The following GALC variants were observed in gnomAD, a reference collection of about 807,000 sequenced individuals.
GALC encodes the protein galactocerebrosidase.
In GALC, 77 loss-of-function variants were observed where a neutral mutation model predicts 91.8. That is an observed-to-expected ratio of 0.84 (90% confidence interval 0.70 to 1.01). The LOEUF is 1.01. Ranked by LOEUF, GALC falls within the 50% of genes least tolerant of loss-of-function variation. The probability of loss-of-function intolerance (pLI) is 0.00; values close to 1 mark genes in which losing one functional copy is unlikely to be tolerated. For missense variants in GALC, 882 were observed against 855.9 expected, an observed-to-expected ratio of 1.03 and a Z score of -0.38; for synonymous variants, 357 against 306.7, an observed-to-expected ratio of 1.16 and a Z score of -1.71.
upstream of GALC, chr14:87,993,408 T>G: frequency 2.0e-6 from 3 of 1,535,884 alleles, no homozygotes; most frequent in Non-Finnish European, 2.6e-6. Context: ...CGGCGTCACC[T>G]GGTGGAGCAC....
Position 87,934,390 on chromosome 14 carries a change from G to C in GALC, c.*342C>G. The C allele has an allele frequency of 7.9e-7, 1 of 1,269,234 alleles. No individual in the cohort carries two copies. Among genetic ancestry groups the C allele is most frequent in the South Asian group, 1.7e-5 (1 of 59,128 alleles). The allele number at this position is 1,269,234 out of a possible 1,614,324, so 78.6% of individuals were successfully genotyped here. On this transcript the variant is annotated 3_prime_UTR_variant, in exon 17 of 17. Transcript: ENST00000261304. ...ATGATCAAGTTACTGCCATCTACAG[G>C]ACCGCTTGCAAATAAGATGAAGAGA...
chr14:87,979,395 C>G (rs575193790), intron 6 of GALC, among the ~76,000 whole-genome samples: 1 of 152,122 alleles, frequency 6.6e-6, no homozygotes, highest in East Asian at 1.9e-4. Context: ...ATGGCAAACA[C>G]AAAGTAAAAA....
intron 10 of GALC, among the ~76,000 whole-genome samples, chr14:87,960,522 T>C (rs915734234): frequency 6.6e-6 from 1 of 152,032 alleles, no homozygotes; most frequent in Admixed American, 6.6e-5. Context: ...CCTGTGTCAA[T>C]AAAAAATAAA....
chr14:87,987,069 A>T (rs1221684482), intron 3 of GALC: 1 of 454,340 alleles, frequency 2.2e-6, no homozygotes, highest in Non-Finnish European at 4.4e-6. Flanking sequence ...TGATATAGGA[A>T]GAGTTTTGAG....
At chr14:87,937,519 A>C (rs1471114407) in intron 16 of GALC, among the ~76,000 whole-genome samples, 1 of 151,900 alleles carries the variant, frequency 6.6e-6, no homozygotes, top group Non-Finnish European at 1.5e-5. Context: ...AGGTGGGTGC[A>C]AGCCAGCAAA....
intron 10 of GALC, among the ~76,000 whole-genome samples, chr14:87,952,296 T>C (rs1885344881): frequency 1.3e-5 from 2 of 151,818 alleles, no homozygotes; most frequent in Admixed American, 6.6e-5. Context: ...GTGACATTAC[T>C]AGAGATTAGA....
At chr14:87,939,429 T>C (rs1174220024) in intron 16 of GALC, among the ~76,000 whole-genome samples, 3 of 151,876 alleles carry the variant, frequency 2.0e-5, no homozygotes. Flanking sequence ...CTCAGGAACA[T>C]TTTTATATTT....
Position 87,960,405 on chromosome 14 carries a change from G to GGCTT in GALC, c.1161+2975_1161+2978dup, listed in dbSNP as rs148084119. ...TGTATTACAAAACAGCTAGAAGAGA[G>GGCTT]GCTTTTGAATGCTTTCATCACAAAG... On this transcript the variant is annotated intron_variant, in intron 10 of 16. Coordinates refer to ENST00000261304, the MANE Select transcript of GALC (RefSeq NM_000153.4). Among the ~76,000 whole-genome samples the GGCTT allele has an allele frequency of 5.8e-3, 879 of 152,290 alleles. 46 individuals carry two copies. The East Asian group carries it at 0.12, about 21-fold the overall frequency.
At chr14:87,978,869 T>C (rs1201630816) in intron 6 of GALC, among the ~76,000 whole-genome samples, 2 of 152,068 alleles carry the variant, frequency 1.3e-5, no homozygotes, top group Non-Finnish European at 2.9e-5. Flanking sequence ...CTTGTCATCT[T>C]TATATAAATT....
chr14:87,988,349 A>AT, intron 2 of GALC, 106 bp downstream of exon 2: 2 of 1,274,242 alleles, frequency 1.6e-6, no homozygotes, highest in Non-Finnish European at 2.3e-6. Flanking sequence ...GTAATGTGCC[A>AT]TTTTTTCAAA....
chr14:87,957,474 T>C (rs1885605621), intron 10 of GALC, among the ~76,000 whole-genome samples: 1 of 152,166 alleles, frequency 6.6e-6, no homozygotes, highest in Non-Finnish European at 1.5e-5. Flanking sequence ...TTATTCTATA[T>C]GTTGCTATCC....
intron 16 of GALC, among the ~76,000 whole-genome samples, chr14:87,937,738 C>G (rs565058523): frequency 6.6e-6 from 1 of 151,208 alleles, no homozygotes; most frequent in African/African-American, 2.4e-5. Context: ...ATGCAAAGTA[C>G]CTGAAAAAAA....
intron 8 of GALC, 121 bp from the exon 9 acceptor site, chr14:87,965,750 G>A (rs890990821): frequency 2.1e-6 from 2 of 969,224 alleles, no homozygotes; most frequent in Non-Finnish European, 1.6e-6. Flanking sequence ...GACAATAAAA[G>A]GATCACCCAA....
chr14:87,965,984 C>A (rs74796499), intron 8 of GALC, among the ~76,000 whole-genome samples: 4,891 of 152,258 alleles, frequency 0.032, 133 homozygotes, highest in Non-Finnish European at 0.048. Context: ...TGCATACCTA[C>A]TTTCCTTTCA....
At chr14:87,958,671 T>C (rs1006436374) in intron 10 of GALC, among the ~76,000 whole-genome samples, 11 of 152,150 alleles carry the variant, frequency 7.2e-5, no homozygotes, top group Non-Finnish European at 1.6e-4. Context: ...TGGAACAGAA[T>C]AGAAAGTCCA....
rs115137351 is a variant in GALC, at chr14:87,936,459, T to C, written c.1912-1581A>G. Among the ~76,000 whole-genome samples the C allele has an allele frequency of 8.2e-3, 1,240 of 151,972 alleles. 15 individuals are homozygous for C. The highest frequency in any genetic ancestry group is 0.028 in the African/African-American group (1,149 of 41,486). On this transcript the variant is annotated intron_variant, in intron 16 of 16. Coordinates refer to ENST00000261304, the MANE Select transcript of GALC (RefSeq NM_000153.4). ...TATTGTCTATTGTCTATGGCTTTTT[T>C]ACTCATTACAATAGCCGAACTGGGT... is the stretch of plus-strand genomic sequence containing the variant.
intron 4 of GALC, among the ~76,000 whole-genome samples, chr14:87,986,019 TTCAC>T (rs1886955058): frequency 6.6e-6 from 1 of 152,014 alleles, no homozygotes; most frequent in Non-Finnish European, 1.5e-5. Flanking sequence ...AAAAATAGGG[TTCAC>T]TACTACATGC....
chr14:87,949,898 T>G lies in GALC; in HGVS notation c.1285A>C (p.Lys429Gln), dbSNP rs1156324692. The G allele has an allele frequency of 1.3e-6, 2 of 1,595,050 alleles. No homozygotes were observed. Residue 429 changes from lysine to glutamine, a missense_variant, in exon 12 of 17, where the codon AAA (lysine) becomes CAA (glutamine). Physicochemically the swap from Lys to Gln is moderately conservative, Grantham distance 53. Transcript: ENST00000261304. ...EIPELQVWYT[K>Q]LGKTSERFLF... ...AATCTTTCGGATGTTTTTCCAAGTT[T>G]GGTATACCATACCTGTAGCTCTGGT...
In GALC at chr14:87,968,575, T is replaced by A. The variant is rs879138423; in HGVS notation, c.753-85A>T. On this transcript the variant is annotated intron_variant, in intron 7 of 16. Transcript: ENST00000261304. ...TATAGATTTGTTGAGTATATAAAAA[T>A]ACGAGTCTTCTCCAAGGTTTTCTAT... 37 of 1,309,060 alleles carry A rather than the reference T, an allele frequency of 2.8e-5. 1 individual carries two copies. In the South Asian group the frequency reaches 4.1e-4, roughly 15 times the overall value. 81.1% of individuals were successfully genotyped at this position (1,309,060 alleles called of 1,614,324 possible). A position where few individuals can be genotyped will look rare whatever the true frequency, so the allele number is the denominator to read the frequency against.
Sources: allele counts gnomAD v4.1 joint callset (sites outside exome capture counted in the v4.1 genomes callset), GRCh38; gene constraint gnomAD v4.1.1; transcripts MANE v1.5; gene names NCBI Gene and HGNC (gene_info 2026-07-23, HGNC 2026-07-21).